The following PCDH7 variants were observed in gnomAD, a reference collection of about 807,000 sequenced individuals.
PCDH7 encodes the protein protocadherin-7.
Under a neutral mutation model 58.9 loss-of-function variants are expected in PCDH7, and 17 were observed. The ratio of observed to expected loss-of-function variants is 0.29; its 90% CI spans 0.20 to 0.43. The LOEUF is 0.43. PCDH7 is among the 20% of genes least tolerant of loss of function. PCDH7 has a pLI of 1.00. For missense variants in PCDH7, 1,274 were observed against 1,441.0 expected, an observed-to-expected ratio of 0.88 and a Z score of 1.88; for synonymous variants, 664 against 616.4, an observed-to-expected ratio of 1.08 and a Z score of -1.14.
At chr4:30,832,103 A>G (rs1204039995) in intron 1 of PCDH7, among the ~76,000 whole-genome samples, 3 of 152,146 alleles carry the variant, frequency 2.0e-5, no homozygotes, top group African/African-American at 7.2e-5. Flanking sequence ...AACACAGTTC[A>G]CACCTAGAAG....
intron 1 of PCDH7, among the ~76,000 whole-genome samples, chr4:30,877,023 T>G (rs1185037220): frequency 6.6e-6 from 1 of 152,162 alleles, no homozygotes; most frequent in Non-Finnish European, 1.5e-5. Flanking sequence ...TAGGGATTAA[T>G]GCTTTCTTGT....
At position 31,040,416 on chromosome 4, in the gene PCDH7, A is replaced by G. The variant is rs191881958; in HGVS notation, c.*7+90201A>G. On this transcript the variant is annotated intron_variant, in intron 3 of 3. Coordinates refer to the PCDH7 transcript ENST00000509759. ...GCTCAATTAAATGTGCATGGTGTTC[A>G]TAAAGGGAAAGGATGTTCTTAAATT... 5.3e-5 allele frequency among the ~76,000 whole-genome samples: 8 copies of G among 152,344 alleles called. 1 individual carries two copies. The highest frequency in any genetic ancestry group is 2.4e-5 in the African/African-American group (1 of 41,596).
chr4:31,029,114 T>G (rs1754684030), intron 3 of PCDH7, among the ~76,000 whole-genome samples: 1 of 152,246 alleles, frequency 6.6e-6, no homozygotes, highest in African/African-American at 2.4e-5. Context: ...TGTTAATCAT[T>G]TCTTTGATTT....
chr4:30,936,057 G>T (rs1050804188), intron 2 of PCDH7, among the ~76,000 whole-genome samples: 1 of 151,928 alleles, frequency 6.6e-6, no homozygotes, highest in Non-Finnish European at 1.5e-5. Context: ...ACGTGAAGTG[G>T]ATAACCTATC....
chr4:31,113,431 T>C (rs1459836623), intron 3 of PCDH7, among the ~76,000 whole-genome samples: 2 of 152,204 alleles, frequency 1.3e-5, no homozygotes, highest in Non-Finnish European at 2.9e-5. Flanking sequence ...AAAGCTATAC[T>C]TAACCAGAAT....
chr4:30,821,968 T>C (rs1053230006), intron 1 of PCDH7, among the ~76,000 whole-genome samples: 17 of 152,278 alleles, frequency 1.1e-4, no homozygotes, highest in African/African-American at 3.9e-4. Context: ...CAGTTTTTAT[T>C]AACGGTTGAA....
intron 3 of PCDH7, among the ~76,000 whole-genome samples, chr4:30,985,092 G>GATTAC: frequency 6.6e-6 from 1 of 152,212 alleles, no homozygotes; most frequent in South Asian, 2.1e-4. Context: ...CAGTAGCTGG[G>GATTAC]ATTACAGGTG....
At chr4:30,934,556 A>C (rs1321435683) in intron 2 of PCDH7, among the ~76,000 whole-genome samples, 1 of 152,074 alleles carries the variant, frequency 6.6e-6, no homozygotes, top group South Asian at 2.1e-4. Flanking sequence ...TTATTTCTCC[A>C]TTCTAATAAT....
intron 1 of PCDH7, among the ~76,000 whole-genome samples, chr4:30,894,346 A>T (rs539522528): frequency 6.6e-6 from 1 of 150,506 alleles, no homozygotes; most frequent in African/African-American, 2.4e-5. Context: ...CAAAGGGTAC[A>T]CTAGTGAATG....
intron 1 of PCDH7, among the ~76,000 whole-genome samples, chr4:30,770,040 T>C (rs1369408798): frequency 1.3e-5 from 2 of 152,258 alleles, no homozygotes; most frequent in East Asian, 1.9e-4. Flanking sequence ...AAAACACCCA[T>C]TGAATTTATT....
chr4:30,907,874 G>T (rs1741180060), intron 1 of PCDH7, among the ~76,000 whole-genome samples: 1 of 152,134 alleles, frequency 6.6e-6, no homozygotes, highest in African/African-American at 2.4e-5. Context: ...TGATAAACTA[G>T]ATTAAGAAAA....
intron 1 of PCDH7, among the ~76,000 whole-genome samples, chr4:30,846,382 AC>A (rs1028710176): frequency 1.3e-5 from 2 of 151,298 alleles, no homozygotes; most frequent in African/African-American, 4.9e-5. Flanking sequence ...CCTCTCTTGT[AC>A]TCTCTTACCC....
At chr4:30,987,928 A>G (rs1272187999) in intron 3 of PCDH7, 4 of 152,224 alleles carry the variant, frequency 2.6e-5, no homozygotes, top group Non-Finnish European at 4.4e-5. Flanking sequence ...GGGACATTTA[A>G]TTTCTAGGGA....
At chr4:31,038,804 G>T (rs1755617647) in intron 3 of PCDH7, among the ~76,000 whole-genome samples, 1 of 151,980 alleles carries the variant, frequency 6.6e-6, no homozygotes, top group Non-Finnish European at 1.5e-5. Context: ...CTGGTTCTTT[G>T]CTATATTTAT....
intron 3 of PCDH7, among the ~76,000 whole-genome samples, chr4:31,056,300 C>T (rs1018191147): frequency 6.7e-6 from 1 of 149,556 alleles, no homozygotes; most frequent in Admixed American, 6.7e-5. Context: ...CCGAGGAGGT[C>T]GAAGCTGTAG....
chr4:30,826,845 C>A (rs536726602), intron 1 of PCDH7, among the ~76,000 whole-genome samples: 1 of 152,160 alleles, frequency 6.6e-6, no homozygotes, highest in East Asian at 1.9e-4. Context: ...CCTGCCTCAG[C>A]CCCCCAAATA....
intron 1 of PCDH7, among the ~76,000 whole-genome samples, chr4:30,807,296 A>G (rs946461927): frequency 3.3e-5 from 5 of 152,240 alleles, no homozygotes; most frequent in Admixed American, 2.0e-4. Context: ...CCAAAAGCAT[A>G]AACAATAAAA....
At chr4:30,832,087 G>C (rs1729875499) in intron 1 of PCDH7, among the ~76,000 whole-genome samples, 1 of 152,094 alleles carries the variant, frequency 6.6e-6, no homozygotes, top group Non-Finnish European at 1.5e-5. Flanking sequence ...AATTTCTTTT[G>C]AAAGAAACAC....
intron 3 of PCDH7, among the ~76,000 whole-genome samples, chr4:31,102,107 T>C (rs988096057): frequency 6.6e-6 from 1 of 152,178 alleles, no homozygotes; most frequent in African/African-American, 2.4e-5. Flanking sequence ...ATAGGTATCA[T>C]TCTTAGAATT....
Sources: allele counts gnomAD v4.1 joint callset (sites outside exome capture counted in the v4.1 genomes callset), GRCh38; gene constraint gnomAD v4.1.1; transcripts MANE v1.5; gene names NCBI Gene and HGNC (gene_info 2026-07-23, HGNC 2026-07-21).